Variants in RNF180 observed in about 807,000 individuals in gnomAD.
The protein encoded by RNF180 is E3 ubiquitin-protein ligase RNF180.
Under a neutral mutation model 59.2 loss-of-function variants are expected in RNF180, and 38 were observed. The observed-to-expected ratio is 0.64, with a 90% CI of 0.50 to 0.84. RNF180 has a LOEUF of 0.84. Ranked by LOEUF, RNF180 falls within the 40% of genes least tolerant of loss-of-function variation. RNF180 has a pLI of 0.00. For missense variants in RNF180, 705 were observed against 700.9 expected, an observed-to-expected ratio of 1.01 and a Z score of -0.07; for synonymous variants, 262 against 240.3, an observed-to-expected ratio of 1.09 and a Z score of -0.84.
At chr5:64,283,080 A>G (rs1045183299) in intron 5 of RNF180, among the ~76,000 whole-genome samples, 1 of 152,184 alleles carries the variant, frequency 6.6e-6, no homozygotes, top group African/African-American at 2.4e-5. Context: ...TCATTTGTCT[A>G]ATATTACTAG....
In RNF180 at chr5:64,348,506, T is replaced by A. The variant is rs1032474603; in HGVS notation, c.1579+18100T>A. On this transcript the variant is annotated intron_variant, in intron 7 of 7. Transcript: ENST00000389100. ...TGGCCATATAGGAGATTTTTCAAGC[T>A]GAATCTGATAATACAACTTCCTTTC... Among the ~76,000 whole-genome samples the A allele has an allele frequency of 1.3e-5, 2 of 152,268 alleles. 1 individual carries two copies. Among genetic ancestry groups the A allele is most frequent in the South Asian group, 4.1e-4 (2 of 4,830 alleles).
intron 5 of RNF180, among the ~76,000 whole-genome samples, chr5:64,228,888 A>C (rs1210995346): frequency 6.6e-6 from 1 of 150,834 alleles, no homozygotes; most frequent in Non-Finnish European, 1.5e-5. Flanking sequence ...TTGAATGATA[A>C]TCCATGACCA....
intron 5 of RNF180, among the ~76,000 whole-genome samples, chr5:64,281,155 A>G (rs1183344589): frequency 2.6e-5 from 4 of 152,126 alleles, no homozygotes; most frequent in African/African-American, 9.7e-5. Flanking sequence ...CATTGATTTT[A>G]TATCCTGAAA....
At chr5:64,303,857 G>A (rs1743294079) in intron 5 of RNF180, among the ~76,000 whole-genome samples, 1 of 151,586 alleles carries the variant, frequency 6.6e-6, no homozygotes, top group African/African-American at 2.4e-5. Context: ...GCCTTCTGTT[G>A]GAAGAAGATG....
rs375249093 is a variant in RNF180, at chr5:64,239,284, TC to T, written c.1227+21889del. ...AACATACGTACCTACTGAATTATAATCTGCATGTTAATACATTCCCCAGGTG... is the reference window on the plus strand; with the variant it reads ...AACATACGTACCTACTGAATTATAATTGCATGTTAATACATTCCCCAGGTG... On this transcript the variant is annotated intron_variant, in intron 5 of 7. Transcript: ENST00000389100. 4.3e-3 allele frequency among the ~76,000 whole-genome samples: 656 copies of T among 152,278 alleles called. 5 individuals are homozygous for T. Among genetic ancestry groups the T allele is most frequent in the Non-Finnish European group, 6.7e-3 (453 of 68,002 alleles).
intron 5 of RNF180, among the ~76,000 whole-genome samples, chr5:64,273,955 G>A (rs908230951): frequency 2.0e-5 from 3 of 151,968 alleles, no homozygotes; most frequent in Non-Finnish European, 2.9e-5. Context: ...TGACACTAGA[G>A]TTGAGAACTG....
intron 5 of RNF180, among the ~76,000 whole-genome samples, chr5:64,304,006 C>G (rs1233572114): frequency 6.6e-6 from 1 of 151,532 alleles, no homozygotes; most frequent in Non-Finnish European, 1.5e-5. Flanking sequence ...TCATAAGGCC[C>G]TTAAGAGTTA....
rs562993126 is a variant in RNF180, at chr5:64,370,511, C to T, written c.*697C>T. ...TCACCAGAAGACATGAAAAATTTAC[C>T]GACTTTTAGTAGTCTAAAAGAGCAA... On this transcript the variant is annotated 3_prime_UTR_variant, in exon 8 of 8. Transcript: ENST00000389100. 7.9e-5 allele frequency: 12 copies of T among 151,682 alleles called. No individual in the cohort carries two copies. The highest frequency in any genetic ancestry group is 6.6e-4 in the Admixed American group (10 of 15,156). The allele number at this position is 151,682 out of a possible 1,614,324, so 9.4% of individuals were successfully genotyped here.
At chr5:64,168,559 A>G (rs1221599924) in intron 1 of RNF180, among the ~76,000 whole-genome samples, 1 of 152,174 alleles carries the variant, frequency 6.6e-6, no homozygotes, top group African/African-American at 2.4e-5. Flanking sequence ...TACATATTAA[A>G]TAGAGTACAT....
chr5:64,187,313 T>C (rs1485610985), intron 1 of RNF180, among the ~76,000 whole-genome samples: 1 of 152,160 alleles, frequency 6.6e-6, no homozygotes, highest in African/African-American at 2.4e-5. Context: ...TAAGGTTGTT[T>C]ATTATGCATT....
intron 5 of RNF180, among the ~76,000 whole-genome samples, chr5:64,315,096 T>C (rs1285854348): frequency 6.6e-6 from 1 of 152,338 alleles, no homozygotes; most frequent in Admixed American, 6.5e-5. Flanking sequence ...GATATTCGTT[T>C]ACTGAATTAT....
chr5:64,364,759 T>C (rs138185167), intron 7 of RNF180, among the ~76,000 whole-genome samples: 52 of 151,704 alleles, frequency 3.4e-4, no homozygotes, highest in African/African-American at 8.0e-4. Context: ...CATTATTGTT[T>C]TCTTTAGGGA....
At chr5:64,346,876 G>A (rs1745580515) in intron 7 of RNF180, among the ~76,000 whole-genome samples, 1 of 152,156 alleles carries the variant, frequency 6.6e-6, no homozygotes, top group Non-Finnish European at 1.5e-5. Context: ...CGTAAGAATA[G>A]AATTGTGGAC....
chr5:64,350,072 A>C (rs1249694505), intron 7 of RNF180, among the ~76,000 whole-genome samples: 3 of 152,180 alleles, frequency 2.0e-5, no homozygotes, highest in Middle Eastern at 3.4e-3. Flanking sequence ...TCCTCCCCAG[A>C]ACCTGTTGTT....
At chr5:64,315,383 C>T (rs1362769140) in intron 5 of RNF180, among the ~76,000 whole-genome samples, 1 of 152,138 alleles carries the variant, frequency 6.6e-6, no homozygotes, top group Non-Finnish European at 1.5e-5. Context: ...GCTTGTCTGA[C>T]ACTTAAGTAA....
At chr5:64,320,385 C>G (rs1297608277) in intron 5 of RNF180, among the ~76,000 whole-genome samples, 1 of 152,164 alleles carries the variant, frequency 6.6e-6, no homozygotes, top group Non-Finnish European at 1.5e-5. Flanking sequence ...AAAGGCAGTT[C>G]TCATGAGTGA....
chr5:64,353,265 T>A (rs1430180695), intron 7 of RNF180, among the ~76,000 whole-genome samples: 1 of 151,722 alleles, frequency 6.6e-6, no homozygotes. Flanking sequence ...GCTTCATTCA[T>A]GTGGAAAAAA....
intron 5 of RNF180, among the ~76,000 whole-genome samples, chr5:64,274,090 A>T (rs759909181): frequency 6.6e-6 from 1 of 152,036 alleles, no homozygotes; most frequent in Non-Finnish European, 1.5e-5. Flanking sequence ...AATTATTTAT[A>T]GCCCTATACC....
chr5:64,167,976 T>A (rs1397788140), intron 1 of RNF180, among the ~76,000 whole-genome samples: 1 of 152,136 alleles, frequency 6.6e-6, no homozygotes. Flanking sequence ...GATTGCAGAG[T>A]CTTGAAACAT....
Sources: allele counts gnomAD v4.1 joint callset (sites outside exome capture counted in the v4.1 genomes callset), GRCh38; gene constraint gnomAD v4.1.1; transcripts MANE v1.5; gene names NCBI Gene and HGNC (gene_info 2026-07-23, HGNC 2026-07-21).